The following SVIL variants were observed in gnomAD, a reference collection of about 807,000 sequenced individuals.
SVIL encodes supervillin.
In SVIL, 101 loss-of-function variants were observed where a neutral mutation model predicts 240.4. That is an observed-to-expected ratio of 0.42 (90% CI 0.36 to 0.50). The LOEUF is 0.50. Among genes scored for constraint, SVIL ranks in the 20% least tolerant of loss-of-function variants. The pLI, the probability that SVIL is intolerant of heterozygous loss-of-function variation, is 0.01. For missense variants in SVIL, 2,512 were observed against 2,818.7 expected (o/e 0.89, Z 2.46); for synonymous variants, 999 against 1,100.0 (o/e 0.91, Z 1.82).
chr10:29,469,155 C>T (rs915518982), intron 32 of SVIL: 13 of 152,172 alleles, frequency 8.5e-5, no homozygotes, highest in Middle Eastern at 3.2e-3. Flanking sequence ...TTTTTCTTTT[C>T]CTCAGTGGTC....
chr10:29,629,984 T>C (rs1037024097), intron 1 of SVIL, among the ~76,000 whole-genome samples: 2 of 129,362 alleles, frequency 1.5e-5, no homozygotes, highest in Non-Finnish European at 3.6e-5. Context: ...TCTCAAAAAA[T>C]AAAAATAATT....
chr10:29,719,542 CAACTGA>C (rs1353497038), intron 1 of SVIL, among the ~76,000 whole-genome samples: 4 of 152,148 alleles, frequency 2.6e-5, no homozygotes, highest in Non-Finnish European at 5.9e-5. Flanking sequence ...CAATGTCAAT[CAACTGA>C]AACTGACCAA....
chr10:29,633,283 A>T (rs544510301), intron 1 of SVIL, among the ~76,000 whole-genome samples: 121 of 150,658 alleles, frequency 8.0e-4, no homozygotes, highest in African/African-American at 2.8e-3. Context: ...TGGTGAGAAG[A>T]GACAGCACAC....
At chr10:29,502,410 T>G (rs1948964712) in intron 17 of SVIL, among the ~76,000 whole-genome samples, 1 of 152,208 alleles carries the variant, frequency 6.6e-6, no homozygotes, top group South Asian at 2.1e-4. Flanking sequence ...TATTGTCTTG[T>G]TTTTTTCCTT....
chr10:29,567,876 G>C (rs912230830), intron 2 of SVIL, among the ~76,000 whole-genome samples: 1 of 152,058 alleles, frequency 6.6e-6, no homozygotes, highest in Non-Finnish European at 1.5e-5. Flanking sequence ...AATTAGCTGG[G>C]CCTGGTGGCG....
chr10:29,532,956 G>A lies in SVIL; in HGVS notation c.1411C>T (p.Pro471Ser). 7 of 1,614,132 alleles carry A rather than the reference G, an allele frequency of 4.3e-6. No homozygotes were observed. The highest frequency in any genetic ancestry group is 5.9e-6 in the Non-Finnish European group (7 of 1,180,034). ...GDGLVRSPED[P>S]SRNEDFGKPA... ...TTACCAAAGTCCTCATTTCTAGAGG[G>A]ATCTTCTGGGCTTCTCACTAGCCCA... is the stretch of plus-strand genomic sequence containing the variant. The change falls in exon 8 of 38, where the codon CCC becomes TCC. Residue 471 changes from proline (P) to serine (S), a missense_variant. Physicochemically the swap from Pro to Ser is moderately conservative, Grantham distance 74 (BLOSUM62 -1). This residue lies in a region of SVIL where 1,443 missense variants were observed against 1,486.6 expected (regional missense o/e 0.97). Coordinates refer to ENST00000355867, the MANE Select transcript of SVIL (RefSeq NM_021738.3).
At chr10:29,584,669 C>T (rs778034513) in intron 1 of SVIL, among the ~76,000 whole-genome samples, 4 of 152,190 alleles carry the variant, frequency 2.6e-5, no homozygotes, top group East Asian at 1.9e-4. Flanking sequence ...CTTTAACCTG[C>T]GGCCTTCCCA....
rs558865407 is a variant in SVIL at position 29,559,492 on chromosome 10, T to C, written c.-51+3709A>G. On this transcript the variant is annotated intron_variant, in intron 3 of 37. Transcript: ENST00000355867. ...GCTTTTCAAAATTAGGTTCACCAGCTACAATTCAATTGATTATATGCTGTG... is the reference window on the plus strand; with the variant it reads ...GCTTTTCAAAATTAGGTTCACCAGCCACAATTCAATTGATTATATGCTGTG... 5.3e-5 allele frequency among the ~76,000 whole-genome samples: 8 copies of C among 152,344 alleles called. No homozygotes were observed. The South Asian group carries it at 1.7e-3, about 32-fold the overall frequency.
At chr10:29,665,637 T>C (rs945213791) in intron 2 of SVIL, among the ~76,000 whole-genome samples, 2 of 151,832 alleles carry the variant, frequency 1.3e-5, no homozygotes, top group Non-Finnish European at 2.9e-5. Flanking sequence ...CTACTAAAAA[T>C]ACAAAAATTA....
intron 29 of SVIL, among the ~76,000 whole-genome samples, chr10:29,477,398 A>T (rs1946312970): frequency 6.6e-6 from 1 of 152,214 alleles, no homozygotes; most frequent in Admixed American, 6.5e-5. Flanking sequence ...CACCTTGAGC[A>T]GCTGTCGCGA....
Position 29,525,106 on chromosome 10 carries a change from A to G in SVIL, c.2343-391T>C, listed in dbSNP as rs370403110. The stretch of plus-strand genomic sequence containing the variant: ...TAGACCTTATCTAAAGATATGGTTC[A>G]GAAGGTGGTCTTTCATTTTAAATAA... On this transcript the variant is annotated intron_variant, in intron 13 of 37. Coordinates refer to ENST00000355867, the MANE Select transcript of SVIL (RefSeq NM_021738.3). Among the ~76,000 whole-genome samples, 15 of 152,318 alleles carry G rather than the reference A, an allele frequency of 9.8e-5. No individual in the cohort carries two copies. In the East Asian group the frequency reaches 2.7e-3, roughly 28 times the overall value.
At chr10:29,597,742 G>T (rs796127631) in intron 1 of SVIL, among the ~76,000 whole-genome samples, 5 of 151,880 alleles carry the variant, frequency 3.3e-5, no homozygotes, top group African/African-American at 1.2e-4. Context: ...TCTGAACCTT[G>T]CCTTAGTCTC....
In SVIL at chr10:29,484,530, C is replaced by G; in HGVS notation, c.4955+126G>C. ...TCCTTTTGTGAATATTCACAGTCCA[C>G]TGCATATAATCGTTTATGAAAACTG... On this transcript the variant is annotated intron_variant, in intron 27 of 37. Transcript: ENST00000355867. This position sits in a 1 kb window ranked among gnomAD's most constrained non-coding sequence, Gnocchi z 4.7. 1.4e-6 allele frequency: 1 copy of G among 703,442 alleles called. No homozygotes were observed. Among genetic ancestry groups the G allele is most frequent in the Non-Finnish European group, 2.2e-6 (1 of 460,998 alleles). 43.6% of individuals were successfully genotyped at this position (703,442 alleles called of 1,614,324 possible). A position where few individuals can be genotyped will look rare whatever the true frequency, so the allele number is the denominator to read the frequency against.
chr10:29,550,019 T>TAA (rs11339067), intron 6 of SVIL, among the ~76,000 whole-genome samples: 2,444 of 70,202 alleles, frequency 0.035, 91 homozygotes, highest in African/African-American at 0.12. Context: ...ACTTAAAGTA[T>TAA]AAAAAAAAAA....
intron 1 of SVIL, among the ~76,000 whole-genome samples, chr10:29,692,663 A>AT (rs960198828): frequency 2.7e-5 from 4 of 149,916 alleles, no homozygotes; most frequent in African/African-American, 2.4e-5. Flanking sequence ...ATAAAAATAT[A>AT]TTTTTTTAAT....
At chr10:29,565,515 G>A (rs369960251) in intron 2 of SVIL, among the ~76,000 whole-genome samples, 6 of 152,144 alleles carry the variant, frequency 3.9e-5, no homozygotes, top group East Asian at 1.9e-4. Flanking sequence ...TCCTGCCATC[G>A]TGTGGCTTCA....
chr10:29,535,628 G>C (rs1291604248), intron 7 of SVIL, among the ~76,000 whole-genome samples: 1 of 152,214 alleles, frequency 6.6e-6, no homozygotes, highest in Non-Finnish European at 1.5e-5. Context: ...CAGATGGGAC[G>C]CCGGCTAGCG....
chr10:29,479,756 G>A (rs1432163985), intron 29 of SVIL, among the ~76,000 whole-genome samples: 1 of 152,348 alleles, frequency 6.6e-6, no homozygotes, highest in Non-Finnish European at 1.5e-5. Context: ...CCCGGGGGCA[G>A]GTGCACCTGC....
intron 1 of SVIL, among the ~76,000 whole-genome samples, chr10:29,573,324 G>A (rs530680668): frequency 3.3e-5 from 5 of 151,900 alleles, no homozygotes; most frequent in South Asian, 2.1e-4. Flanking sequence ...CATGGATTAC[G>A]GTACAAAGCA....
Sources: gnomAD v4.1 joint callset for allele counts (sites outside exome capture counted in the v4.1 genomes callset) on GRCh38, gnomAD v4.1.1 for gene constraint, gnomAD v4.1.1 regional missense constraint, Gnocchi (gnomAD v3.1) non-coding constraint, MANE v1.5 for transcripts, NCBI Gene and HGNC (gene_info 2026-07-23, HGNC 2026-07-21) for gene names.